Variants in SUGCT observed in about 807,000 individuals in gnomAD.
SUGCT encodes the protein succinyl-CoA:glutarate CoA-transferase.
Under a neutral mutation model 55.0 loss-of-function variants are expected in SUGCT, and 41 were observed. The observed-to-expected ratio is 0.74, with a 90% CI of 0.58 to 0.97. SUGCT has a LOEUF of 0.97. Among genes scored for constraint, SUGCT ranks in the 50% least tolerant of loss-of-function variants. The pLI is 0.00. For missense variants in SUGCT, 568 were observed against 547.8 expected (o/e 1.04, Z -0.37); for synonymous variants, 187 against 200.4 (o/e 0.93, Z 0.56).
At chr7:40,197,265 A>G (rs1786343235) in intron 6 of SUGCT, among the ~76,000 whole-genome samples, 1 of 152,176 alleles carries the variant, frequency 6.6e-6, no homozygotes, top group African/African-American at 2.4e-5. Context: ...TGTCTAAACA[A>G]TATTTATATG....
At position 40,710,531 on chromosome 7, in the gene SUGCT, T is replaced by G. The variant is rs77557832; in HGVS notation, c.1090-38903T>G. ...CCACTTCCTCCTCCTTCATTCTCAC[T>G]CCTCTAGATCTTCATAAAAAGGGTA... On this transcript the variant is annotated intron_variant, in intron 12 of 13. Transcript: ENST00000335693. Among the ~76,000 whole-genome samples, 1,364 of 152,188 alleles carry G rather than the reference T, an allele frequency of 9.0e-3. 13 individuals carry two copies. The highest frequency in any genetic ancestry group is 0.02 in the Middle Eastern group (6 of 294).
At chr7:40,616,257 G>A (rs1798996777) in intron 12 of SUGCT, among the ~76,000 whole-genome samples, 1 of 151,848 alleles carries the variant, frequency 6.6e-6, no homozygotes, top group South Asian at 2.1e-4. Context: ...GTTTAGTGGT[G>A]CGATCTTGGC....
chr7:40,184,436 T>A (rs2150717881), intron 3 of SUGCT, among the ~76,000 whole-genome samples: 1 of 152,076 alleles, frequency 6.6e-6, no homozygotes, highest in African/African-American at 2.4e-5. Context: ...CCTGGCTAAA[T>A]TTTTTTTGTT....
At chr7:40,973,778 CAAAATCATTTCT>C in the SUGCT span, among the ~76,000 whole-genome samples, 1,313 of 152,280 alleles carry the variant, frequency 8.6e-3, 7 homozygotes, top group Non-Finnish European at 0.014. Context: ...ACTTCAATCA[CAAAATCATTTCT>C]AATAGCCCTT....
At chr7:40,899,432 T>C in the SUGCT span, among the ~76,000 whole-genome samples, 1 of 152,150 alleles carries the variant, frequency 6.6e-6, no homozygotes, top group African/African-American at 2.4e-5. Context: ...CAGGCTATGG[T>C]GTCAGCCATT....
chr7:40,868,154 C>T, the SUGCT span, among the ~76,000 whole-genome samples: 1 of 152,108 alleles, frequency 6.6e-6, no homozygotes, highest in African/African-American at 2.4e-5. Context: ...TTTATTTCTC[C>T]TCCCCTTGAC....
intron 12 of SUGCT, among the ~76,000 whole-genome samples, chr7:40,724,840 C>G (rs1261536519): frequency 2.6e-5 from 4 of 151,932 alleles, no homozygotes; most frequent in Admixed American, 6.6e-5. Context: ...AAATTAGAAA[C>G]AGATAAAACT....
intron 1 of SUGCT, among the ~76,000 whole-genome samples, chr7:40,155,645 G>A (rs1238293514): frequency 6.6e-6 from 1 of 152,072 alleles, no homozygotes; most frequent in Non-Finnish European, 1.5e-5. Context: ...AAACCATCAA[G>A]GAACATTTGA....
chr7:40,374,641 TC>T (rs1784454379), intron 9 of SUGCT, among the ~76,000 whole-genome samples: 5 of 152,300 alleles, frequency 3.3e-5, no homozygotes, highest in Admixed American at 2.6e-4. Flanking sequence ...CTCTGCATTT[TC>T]CAAAGGGTGT....
At chr7:40,951,929 A>G in the SUGCT span, among the ~76,000 whole-genome samples, 59,177 of 151,992 alleles carry the variant, frequency 0.39, 12,096 homozygotes, top group Admixed American at 0.5. Context: ...TGTATATTCT[A>G]TTGATTTTGG....
intron 12 of SUGCT, among the ~76,000 whole-genome samples, chr7:40,603,888 G>C (rs181615117): frequency 1.3e-5 from 2 of 152,250 alleles, no homozygotes; most frequent in Admixed American, 6.5e-5. Flanking sequence ...TCATTCCCCT[G>C]TTTAAAATTC....
intron 7 of SUGCT, among the ~76,000 whole-genome samples, chr7:40,252,658 T>A (rs1048092693): frequency 2.0e-5 from 3 of 152,168 alleles, no homozygotes; most frequent in Non-Finnish European, 4.4e-5. Flanking sequence ...AAACTTATTT[T>A]ATTTTTTGAA....
chr7:40,493,612 A>G lies in SUGCT; in HGVS notation c.987-2672A>G, dbSNP rs539491836. Reference sequence around the variant, plus strand: ...AATGAAATATATGTGTTGATTTAGTAAGTTGCCAATTAAATTTGAATTGTT... The same window carrying G: ...AATGAAATATATGTGTTGATTTAGTGAGTTGCCAATTAAATTTGAATTGTT... On this transcript the variant is annotated intron_variant, in intron 11 of 13. Coordinates refer to ENST00000335693, the MANE Select transcript of SUGCT (RefSeq NM_001193313.2). Among the ~76,000 whole-genome samples, 10 of 152,332 alleles carry G rather than the reference A, an allele frequency of 6.6e-5. No individual in the cohort carries two copies. The South Asian group carries it at 2.1e-3, about 32-fold the overall frequency.
chr7:40,297,149 C>T (rs185173145), intron 8 of SUGCT, among the ~76,000 whole-genome samples: 124 of 152,176 alleles, frequency 8.1e-4, no homozygotes, highest in Non-Finnish European at 1.5e-3. Context: ...TCTTCTCTTT[C>T]CTTCAGTCCC....
chr7:40,238,729 G>T (rs1789168594), intron 7 of SUGCT, among the ~76,000 whole-genome samples: 1 of 151,020 alleles, frequency 6.6e-6, no homozygotes, highest in African/African-American at 2.4e-5. Context: ...CAAAGCAACT[G>T]TTGGGGTTTT....
At chr7:40,898,323 C>G in the SUGCT span, among the ~76,000 whole-genome samples, 13 of 152,086 alleles carry the variant, frequency 8.5e-5, no homozygotes, top group Non-Finnish European at 1.6e-4. Context: ...GTTTAAGAGC[C>G]GTAAGACTCA....
intron 9 of SUGCT, among the ~76,000 whole-genome samples, chr7:40,440,153 T>G (rs1421336821): frequency 8.4e-6 from 1 of 119,472 alleles, no homozygotes; most frequent in African/African-American, 4.6e-5. Flanking sequence ...GTGTTTTTTT[T>G]TTTTTTTTTT....
At chr7:40,423,585 T>C (rs572292733) in intron 9 of SUGCT, among the ~76,000 whole-genome samples, 83 of 152,222 alleles carry the variant, frequency 5.5e-4, no homozygotes, top group African/African-American at 1.9e-3. Flanking sequence ...TTGCCAGATT[T>C]CACTTAATTG....
chr7:40,886,322 G>T, the SUGCT span, among the ~76,000 whole-genome samples: 2 of 152,126 alleles, frequency 1.3e-5, no homozygotes, highest in African/African-American at 4.8e-5. Context: ...ATGTACCATG[G>T]TAGGATGTGG....
Sources: allele counts gnomAD v4.1 joint callset (sites outside exome capture counted in the v4.1 genomes callset), GRCh38; gene constraint gnomAD v4.1.1; transcripts MANE v1.5; gene names NCBI Gene and HGNC (gene_info 2026-07-23, HGNC 2026-07-21).